ESCO2: variants seen among roughly 807,000 people sequenced by gnomAD.
ESCO2 encodes N-acetyltransferase ESCO2.
ESCO2 carries 51 observed loss-of-function variants against 61.7 expected under a neutral mutation model. The ratio of observed to expected loss-of-function variants is 0.83; its 90% confidence interval spans 0.66 to 1.04. The LOEUF is 1.04. Among genes scored for constraint, ESCO2 ranks in the 50% least tolerant of loss-of-function variants. The pLI is 0.00. For synonymous variants in ESCO2, 230 were observed against 238.2 expected (o/e 0.97, Z 0.32); for missense variants, 692 against 686.2 (o/e 1.01, Z -0.09).
intron 5 of ESCO2, among the ~76,000 whole-genome samples, chr8:27,784,305 A>G (rs1166492523): frequency 6.6e-6 from 1 of 152,232 alleles, no homozygotes; most frequent in Non-Finnish European, 1.5e-5. Flanking sequence ...ACATTATTAT[A>G]TAATACCTTA....
intron 9 of ESCO2, among the ~76,000 whole-genome samples, chr8:27,798,913 T>C (rs1468077314): frequency 6.6e-6 from 1 of 152,184 alleles, no homozygotes; most frequent in Non-Finnish European, 1.5e-5. Context: ...AAGATCTTTG[T>C]GGTGACTCAA....
intron 8 of ESCO2, among the ~76,000 whole-genome samples, chr8:27,792,266 C>T (rs1258432112): frequency 1.3e-5 from 2 of 152,012 alleles, no homozygotes; most frequent in Non-Finnish European, 2.9e-5. Flanking sequence ...TTCATCTTTC[C>T]CTTGTGAAAG....
chr8:27,784,201 G>C (rs1162101978), intron 5 of ESCO2, 144 bp downstream of exon 5: 2 of 706,074 alleles, frequency 2.8e-6, no homozygotes, highest in African/African-American at 3.6e-5. Flanking sequence ...TTGAGAATAG[G>C]GTGATGAAAT....
In ESCO2 at chr8:27,776,814, G is replaced by T. The variant is rs1052492; in HGVS notation, c.506G>T (p.Arg169Leu). Residue 169 changes from arginine (R) to leucine (L), a missense_variant, in exon 3 of 11, where the codon CGA becomes CTA. By Grantham distance (102) the Arg-to-Leu change is moderately radical. Coordinates refer to ENST00000305188, the MANE Select transcript of ESCO2 (RefSeq NM_001017420.3). ...SRNSRNSKQNRVIYKPIVEKE... is the reference protein window; with the variant it reads ...SRNSRNSKQNLVIYKPIVEKE... Reference sequence around the variant, plus strand: ...AATTCTAGAAATTCCAAGCAAAATCGAGTGATCTATAAGCCAATTGTGGAG... The same window carrying T: ...AATTCTAGAAATTCCAAGCAAAATCTAGTGATCTATAAGCCAATTGTGGAG... The T allele has an allele frequency of 3.7e-6, 6 of 1,614,056 alleles. No individual in the cohort carries two copies. The highest frequency in any genetic ancestry group is 4.2e-6 in the Non-Finnish European group (5 of 1,180,028).
At chr8:27,788,185 C>T (rs1459491569) in intron 6 of ESCO2, among the ~76,000 whole-genome samples, 183 bp downstream of exon 6, 1 of 152,080 alleles carries the variant, frequency 6.6e-6, no homozygotes, top group Non-Finnish European at 1.5e-5. Context: ...TTTTCCTGCA[C>T]TCTATTTTTT....
At chr8:27,794,688 T>A (rs965781703) in intron 9 of ESCO2, among the ~76,000 whole-genome samples, 1 of 152,186 alleles carries the variant, frequency 6.6e-6, no homozygotes, top group Admixed American at 6.5e-5. Context: ...ATTTTTTTCC[T>A]TATAGTTTTA....
downstream of ESCO2, chr8:27,811,450 T>A (rs986858444): frequency 2.1e-6 from 1 of 465,412 alleles, no homozygotes; most frequent in Non-Finnish European, 3.9e-6. Flanking sequence ...TTCAAAGACA[T>A]GTGTGTGCAA....
At chr8:27,773,976 C>T (rs951502798), upstream of ESCO2, among the ~76,000 whole-genome samples, 7 of 152,126 alleles carry the variant, frequency 4.6e-5, no homozygotes, top group African/African-American at 1.7e-4. Context: ...TAATGCCTTA[C>T]AGATTGTGGT....
At chr8:27,783,587 AGTTTTAT>A (rs1804971847) in intron 4 of ESCO2, among the ~76,000 whole-genome samples, 2 of 152,070 alleles carry the variant, frequency 1.3e-5, no homozygotes, top group South Asian at 4.1e-4. Context: ...GACATTTTAT[AGTTTTAT>A]GTTTTTCCTT....
chr8:27,816,433 G>A (rs1375678199), downstream of ESCO2, among the ~76,000 whole-genome samples: 3 of 150,210 alleles, frequency 2.0e-5, no homozygotes, highest in Admixed American at 6.6e-5. Context: ...CTGGAGTACA[G>A]TGGCTTGATC....
At chr8:27,808,093 C>T, downstream of ESCO2, 1 of 337,408 alleles carries the variant, frequency 3.0e-6, no homozygotes, top group Non-Finnish European at 4.4e-6. Flanking sequence ...TTGTTTTTCC[C>T]AAATTCTTAG....
chr8:27,801,222 C>G (rs1805416896), intron 10 of ESCO2, among the ~76,000 whole-genome samples: 1 of 152,138 alleles, frequency 6.6e-6, no homozygotes, highest in Non-Finnish European at 1.5e-5. Context: ...TTTACCTAAT[C>G]TAGGTTATAT....
chr8:27,811,159 A>C (rs374524697), downstream of ESCO2: 368 of 1,611,570 alleles, frequency 2.3e-4, no homozygotes, highest in Non-Finnish European at 2.8e-4. Flanking sequence ...ATGGTTATGA[A>C]GGCAGGAGCT....
chr8:27,778,065 G>A (rs529806362), intron 3 of ESCO2: 6 of 152,322 alleles, frequency 3.9e-5, no homozygotes, highest in African/African-American at 1.2e-4. Context: ...TAATTTAAAA[G>A]TTGGAGCCAA....
chr8:27,791,054 T>A (rs1805164778), intron 7 of ESCO2, among the ~76,000 whole-genome samples: 1 of 152,210 alleles, frequency 6.6e-6, no homozygotes, highest in Non-Finnish European at 1.5e-5. Context: ...TTCGAATTTT[T>A]ATTCAAACTA....
chr8:27,792,615 T>G (rs1585403820), intron 8 of ESCO2, 53 bp from the exon 9 acceptor site: 1 of 1,551,260 alleles, frequency 6.4e-7, no homozygotes, highest in East Asian at 2.3e-5. Flanking sequence ...ATATGTATAG[T>G]TTCTATTGTA....
chr8:27,795,750 G>A (rs1250310532), intron 9 of ESCO2, among the ~76,000 whole-genome samples: 1 of 152,114 alleles, frequency 6.6e-6, no homozygotes. Context: ...GTATTGAGAT[G>A]ATCATATAGT....
At chr8:27,810,828 T>G (rs754239077), downstream of ESCO2, 1 of 665,932 alleles carries the variant, frequency 1.5e-6, no homozygotes, top group Non-Finnish European at 2.5e-6. Context: ...ATGTCTCATT[T>G]GTGTGAGATT....
At chr8:27,800,483 G>A (rs539447066) in intron 10 of ESCO2, among the ~76,000 whole-genome samples, 7 of 152,332 alleles carry the variant, frequency 4.6e-5, no homozygotes, top group Non-Finnish European at 1.0e-4. Flanking sequence ...TGGTGAGGAT[G>A]TAGAGGAAAC....
Sources: allele counts gnomAD v4.1 joint callset (sites outside exome capture counted in the v4.1 genomes callset), GRCh38; gene constraint gnomAD v4.1.1; transcripts MANE v1.5; gene names NCBI Gene and HGNC (gene_info 2026-07-23, HGNC 2026-07-21).